Variants in SLC22A24 observed in about 807,000 individuals in gnomAD.
The protein encoded by SLC22A24 is solute carrier family 22 member 24.
Under a neutral mutation model 49.8 loss-of-function variants are expected in SLC22A24, and 53 were observed. The observed-to-expected ratio is 1.06, with a 90% CI of 0.85 to 1.34. The LOEUF is 1.34. Among genes scored for constraint, SLC22A24 ranks in the 40% most tolerant of loss-of-function variants. SLC22A24 has a pLI of 0.00. For missense variants in SLC22A24, 786 were observed against 675.9 expected (o/e 1.16, Z -1.81); for synonymous variants, 302 against 256.4 (o/e 1.18, Z -1.70).
chr11:63,121,438 T>C (rs1158462415), intron 2 of SLC22A24, among the ~76,000 whole-genome samples: 1 of 151,956 alleles, frequency 6.6e-6, no homozygotes, highest in East Asian at 1.9e-4. Context: ...TGTTGGGGGA[T>C]CACTATGAAG....
rs1565332301 is a variant in SLC22A24, at chr11:63,113,193, T to TATATATACATATATATATACAC, written c.830+5718_830+5719insGTGTATATATATATGTATATAT. On this transcript the variant is annotated intron_variant, in intron 4 of 9. Coordinates refer to ENST00000612278, the MANE Select transcript of SLC22A24 (RefSeq NM_001136506.2). ...ATATATATACATATATATATACACA[T>TATATATACATATATATATACAC]ATATATATACATATATATACACATA... Among the ~76,000 whole-genome samples the TATATATACATATATATATACAC allele has an allele frequency of 3.7e-4, 2 of 5,448 alleles. 1 individual carries two copies. The highest frequency in any genetic ancestry group is 7.0e-4 in the African/African-American group (2 of 2,856). 3.6% of individuals were successfully genotyped at this position (5,448 alleles called of 152,430 possible).
At chr11:63,092,783 G>A (rs775999786) in intron 6 of SLC22A24, among the ~76,000 whole-genome samples, 14 of 151,612 alleles carry the variant, frequency 9.2e-5, no homozygotes, top group Non-Finnish European at 1.6e-4. Context: ...ACAGGCATGG[G>A]CAAAGACTTC....
chr11:63,098,223 C>T (rs1038459395), intron 5 of SLC22A24, among the ~76,000 whole-genome samples: 9 of 152,000 alleles, frequency 5.9e-5, no homozygotes, highest in East Asian at 1.9e-4. Context: ...CCTGAATGAC[C>T]AGTGGGTTAA....
chr11:63,104,698 C>A (rs1245880278), intron 4 of SLC22A24, among the ~76,000 whole-genome samples: 2 of 152,158 alleles, frequency 1.3e-5, no homozygotes, highest in African/African-American at 2.4e-5. Flanking sequence ...ATCATCAGAT[C>A]TCATGAGACT....
chr11:63,135,845 G>A (rs1232774415), intron 1 of SLC22A24, among the ~76,000 whole-genome samples: 1 of 152,212 alleles, frequency 6.6e-6, no homozygotes, highest in African/African-American at 2.4e-5. Flanking sequence ...GGTGGTTCAA[G>A]AAGTTTTGCA....
chr11:63,118,794 A>G (rs1033725965), intron 4 of SLC22A24, 118 bp downstream of exon 4: 10 of 1,033,596 alleles, frequency 9.7e-6, no homozygotes, highest in African/African-American at 9.5e-5. Context: ...AATAGGTACT[A>G]TGGACATCAT....
At position 63,081,592 on chromosome 11, in the gene SLC22A24, C is replaced by G. The variant is rs541403539; in HGVS notation, c.1360G>C (p.Val454Leu). 1.3e-6 allele frequency: 2 copies of G among 1,551,452 alleles called. No individual in the cohort carries two copies. The highest frequency in any genetic ancestry group is 1.4e-5 in the African/African-American group (1 of 73,020). Residue 454 changes from valine (V) to leucine (L), a missense_variant, in exon 8 of 10, where the codon GTC (valine) becomes CTC (leucine). Transcript: ENST00000612278. The stretch of plus-strand genomic sequence containing the variant: ...GTGGGGACGAGCTCGTTGTGGTGGA[C>G]AGAAGCACTGTTGCTAGCAGCAGAA... ...SVSAASNSAS[V>L]HHNELVPTIL... is the part of the protein sequence containing the mutation.
rs377150614 is a variant in SLC22A24 at position 63,123,085 on chromosome 11, G to A, written c.507-3750C>T. On this transcript the variant is annotated intron_variant, in intron 2 of 9. Coordinates refer to ENST00000612278, the MANE Select transcript of SLC22A24 (RefSeq NM_001136506.2). Reference sequence around the variant, plus strand: ...TTGATTGGAGGAGGAAGGAGAAGAGGCAAAGAGAACATCTAGAATGAAAAA... The same window carrying A: ...TTGATTGGAGGAGGAAGGAGAAGAGACAAAGAGAACATCTAGAATGAAAAA... 2.4e-4 allele frequency among the ~76,000 whole-genome samples: 36 copies of A among 152,224 alleles called. No homozygotes were observed. The South Asian group carries it at 7.5e-3, about 32-fold the overall frequency.
chr11:63,140,067 G>GTTTTTTTGGTTTTTT (rs2087403799), intron 1 of SLC22A24, among the ~76,000 whole-genome samples: 1 of 112,142 alleles, frequency 8.9e-6, no homozygotes, highest in African/African-American at 3.1e-5. Context: ...CAGTTTTTTT[G>GTTTTTTTGGTTTTTT]TTTTTTTGTT....
At position 63,096,104 on chromosome 11, in the gene SLC22A24, A is replaced by T. The variant is rs1208938307; in HGVS notation, c.957T>A (p.Leu319=). ...KNTEETLTTE[L]VRSTMKKELD... is the part of the protein sequence containing the mutation. ...ACTCCTTCTTCATGGTGGATCTCAC[A>T]AGCTTCAGCAACAAAAATAACAACA... The change falls in exon 6 of 10, where the codon CTT becomes CTA. Residue 319 remains leucine (L), a splice_region_variant and synonymous_variant. Coordinates refer to ENST00000612278, the MANE Select transcript of SLC22A24 (RefSeq NM_001136506.2). 45 of 1,541,260 alleles carry T rather than the reference A, an allele frequency of 2.9e-5. No homozygotes were observed. Among genetic ancestry groups the T allele is most frequent in the Non-Finnish European group, 1.8e-6 (2 of 1,137,766 alleles).
intron 5 of SLC22A24, among the ~76,000 whole-genome samples, chr11:63,100,808 C>T (rs148739230): frequency 6.6e-6 from 1 of 152,216 alleles, no homozygotes; most frequent in African/African-American, 2.4e-5. Flanking sequence ...AGGGAAAAGA[C>T]AATTTCTTCA....
At chr11:63,092,886 T>C (rs1195404014) in intron 6 of SLC22A24, among the ~76,000 whole-genome samples, 1 of 151,938 alleles carries the variant, frequency 6.6e-6, no homozygotes, top group Non-Finnish European at 1.5e-5. Context: ...CAAAATAAAC[T>C]ATCATCAGAG....
At chr11:63,122,858 A>G (rs1323581118) in intron 2 of SLC22A24, among the ~76,000 whole-genome samples, 1 of 152,166 alleles carries the variant, frequency 6.6e-6, no homozygotes, top group South Asian at 2.1e-4. Flanking sequence ...AGTTGTACAT[A>G]TTCGTGGGAT....
At chr11:63,094,895 G>A (rs995404854) in intron 6 of SLC22A24, among the ~76,000 whole-genome samples, 24 of 152,182 alleles carry the variant, frequency 1.6e-4, no homozygotes, top group African/African-American at 4.6e-4. Context: ...TTTGTCAGAT[G>A]AGTAGGTTGC....
At chr11:63,089,184 A>G (rs1383361763) in intron 6 of SLC22A24, among the ~76,000 whole-genome samples, 1 of 152,230 alleles carries the variant, frequency 6.6e-6, no homozygotes, top group Non-Finnish European at 1.5e-5. Flanking sequence ...AGGTCAGGTT[A>G]CCTACAAAGG....
At chr11:63,111,102 A>G (rs1419780025) in intron 4 of SLC22A24, among the ~76,000 whole-genome samples, 1 of 152,024 alleles carries the variant, frequency 6.6e-6, no homozygotes, top group East Asian at 1.9e-4. Context: ...ATCTATTGAG[A>G]TAATCATGTG....
At chr11:63,100,564 T>G (rs905837692) in intron 5 of SLC22A24, among the ~76,000 whole-genome samples, 4 of 152,220 alleles carry the variant, frequency 2.6e-5, no homozygotes, top group African/African-American at 9.6e-5. Flanking sequence ...ATAGTCTTAA[T>G]GTTTTAGTGG....
intron 2 of SLC22A24, among the ~76,000 whole-genome samples, chr11:63,131,972 TC>T (rs2134678863): frequency 6.6e-6 from 1 of 152,338 alleles, no homozygotes; most frequent in African/African-American, 2.4e-5. Flanking sequence ...ACAGCTTTGT[TC>T]ATTTCTTTTC....
chr11:63,080,990 G>T lies in SLC22A24; in HGVS notation c.1528C>A (p.Pro510Thr), dbSNP rs754323149. 2 of 1,552,084 alleles carry T rather than the reference G, an allele frequency of 1.3e-6. No individual in the cohort carries two copies. Among genetic ancestry groups the T allele is most frequent in the Non-Finnish European group, 1.7e-6 (2 of 1,147,284 alleles). The change falls in exon 9 of 10, where the codon CCT becomes ACT. Residue 510 changes from proline (P) to threonine (T), a missense_variant. Pro to Thr is a conservative substitution (Grantham distance 38, BLOSUM62 -1). Coordinates refer to ENST00000612278, the MANE Select transcript of SLC22A24 (RefSeq NM_001136506.2). ...SYGVFPILAV[P>T]VILLLPETRD... The stretch of plus-strand genomic sequence containing the variant: ...GTTTCTGGAAGGAGGAGGATAACAG[G>T]GACAGCAAGGATGGGGAAGACTCCA...
Sources: allele counts gnomAD v4.1 joint callset (sites outside exome capture counted in the v4.1 genomes callset), GRCh38; gene constraint gnomAD v4.1.1; transcripts MANE v1.5; gene names NCBI Gene and HGNC (gene_info 2026-07-23, HGNC 2026-07-21).